DHX9: variants seen among roughly 807,000 people sequenced by gnomAD.
The protein encoded by DHX9 is DExH-box helicase 9.
Under a neutral mutation model 148.7 loss-of-function variants are expected in DHX9, and 27 were observed. The ratio of observed to expected loss-of-function variants is 0.18; its 90% CI spans 0.13 to 0.25. DHX9 has a LOEUF of 0.25. DHX9 is among the 10% of genes least tolerant of loss of function. The pLI, the probability that DHX9 is intolerant of heterozygous loss-of-function variation, is 1.00. For missense variants in DHX9, 796 were observed against 1,559.6 expected, an observed-to-expected ratio of 0.51 and a Z score of 8.25; for synonymous variants, 529 against 516.6, an observed-to-expected ratio of 1.02 and a Z score of -0.33.
intron 10 of DHX9, 60 bp from the exon 11 acceptor site, chr1:182,858,980 A>G: frequency 6.2e-7 from 1 of 1,610,750 alleles, no homozygotes; most frequent in Non-Finnish European, 8.5e-7. Flanking sequence ...TAAAAAATGG[A>G]TTTATTTTGA....
chr1:182,852,367 C>G (rs765831420), intron 4 of DHX9, 23 bp downstream of exon 4: 2 of 1,506,324 alleles, frequency 1.3e-6, no homozygotes, highest in Non-Finnish European at 1.8e-6. Flanking sequence ...AATCCATGCA[C>G]GTGGTGGAGA....
chr1:182,842,403 T>C (rs1667949348), intron 1 of DHX9, 142 bp from the exon 2 acceptor site: 1 of 526,250 alleles, frequency 1.9e-6, no homozygotes, highest in Admixed American at 3.5e-5. Context: ...GTTCCAATTA[T>C]GTCGTTAAAA....
intron 3 of DHX9, among the ~76,000 whole-genome samples, chr1:182,849,993 T>C (rs199939783): frequency 2.1e-3 from 227 of 106,022 alleles, no homozygotes; most frequent in African/African-American, 5.2e-3. Flanking sequence ...CCCCCCCCCC[T>C]TTTTTTTTTA....
chr1:182,878,287 T>C (rs1648915236), intron 20 of DHX9, 114 bp downstream of exon 20: 3 of 1,207,426 alleles, frequency 2.5e-6, no homozygotes, highest in Non-Finnish European at 3.5e-6. Flanking sequence ...TTGCCAGCCA[T>C]GTTGGAATCA....
intron 14 of DHX9, among the ~76,000 whole-genome samples, chr1:182,867,750 CTT>C: frequency 6.6e-6 from 1 of 152,272 alleles, no homozygotes; most frequent in Non-Finnish European, 1.5e-5. Context: ...CAGCTCTGAT[CTT>C]TTCAGATGTT....
At chr1:182,846,114 C>G (rs1454251899) in intron 3 of DHX9, among the ~76,000 whole-genome samples, 1 of 152,198 alleles carries the variant, frequency 6.6e-6, no homozygotes, top group Non-Finnish European at 1.5e-5. Context: ...CCCCCCACAC[C>G]TGAAGCTACC....
rs764495583 is a variant in DHX9 at position 182,884,825 on chromosome 1, T to C, written c.3461+12T>C. On this transcript the variant is annotated intron_variant, in intron 27 of 27. Transcript: ENST00000367549. ...ATTGGCAGTACACGGTGAGTACCAA[T>C]ATACTTCTTACTGAACCAAGTAGAG... 6.8e-6 allele frequency: 11 copies of C among 1,613,258 alleles called. No individual in the cohort carries two copies. In the South Asian group the frequency reaches 8.8e-5, roughly 13 times the overall value.
intron 14 of DHX9, among the ~76,000 whole-genome samples, chr1:182,867,564 G>C (rs111397999): frequency 6.6e-6 from 1 of 152,126 alleles, no homozygotes; most frequent in Non-Finnish European, 1.5e-5. Flanking sequence ...CACCATGCCC[G>C]ACTGATTTTT....
In DHX9 at chr1:182,842,535, G is replaced by C. The variant is rs1667951526; in HGVS notation, c.-22-10G>C. 6.5e-7 allele frequency: 1 copy of C among 1,540,570 alleles called. No homozygotes were observed. Among genetic ancestry groups the C allele is most frequent in the Non-Finnish European group, 8.9e-7 (1 of 1,126,918 alleles). ...TAAATGCTGTTTTTAACTGACTTTT[G>C]TTTTCTTAGATCTGAAGAAGACACT... On this transcript the variant is annotated splice_polypyrimidine_tract_variant and intron_variant, in intron 1 of 27. Coordinates refer to ENST00000367549, the MANE Select transcript of DHX9 (RefSeq NM_001357.5).
chr1:182,887,496 C>G lies in DHX9; in HGVS notation c.*62C>G. 1 of 1,423,554 alleles carries G rather than the reference C, an allele frequency of 7.0e-7. No homozygotes were observed. The highest frequency in any genetic ancestry group is 9.6e-7 in the Non-Finnish European group (1 of 1,044,770). The allele number at this position is 1,423,554 out of a possible 1,614,324, so 88.2% of individuals were successfully genotyped here. ...GGAAAAAAAGGCATGCTATGTGTTA[C>G]GTGTTTTTTCCAGTATGTTTATTTG... On this transcript the variant is annotated 3_prime_UTR_variant, in exon 28 of 28. Coordinates refer to ENST00000367549, the MANE Select transcript of DHX9 (RefSeq NM_001357.5).
At chr1:182,845,683 G>A (rs892438214) in intron 3 of DHX9, among the ~76,000 whole-genome samples, 2 of 152,166 alleles carry the variant, frequency 1.3e-5, no homozygotes, top group East Asian at 3.9e-4. Context: ...TTGCAAGTCT[G>A]GGCCTCTAGA....
chr1:182,880,198 T>C (rs1046388458), intron 21 of DHX9, among the ~76,000 whole-genome samples: 4 of 152,244 alleles, frequency 2.6e-5, no homozygotes, highest in Non-Finnish European at 4.4e-5. Context: ...AGACTTCTTA[T>C]GGCATGTAGA....
intron 3 of DHX9, among the ~76,000 whole-genome samples, chr1:182,848,332 A>G (rs1427104950): frequency 6.6e-6 from 1 of 152,256 alleles, no homozygotes; most frequent in African/African-American, 2.4e-5. Context: ...GGCCACTGAC[A>G]TCTAGAAGGT....
At chr1:182,869,052 C>G (rs190264811) in intron 14 of DHX9, among the ~76,000 whole-genome samples, 108 of 152,166 alleles carry the variant, frequency 7.1e-4, no homozygotes, top group Non-Finnish European at 6.2e-4. Context: ...TAAATTATTC[C>G]AAACACTGGA....
At position 182,867,005 on chromosome 1, in the gene DHX9, C is replaced by G; in HGVS notation, c.1519C>G (p.His507Asp). 6.2e-7 allele frequency: 1 copy of G among 1,606,610 alleles called. No individual in the cohort carries two copies. ...AGAAGCAGGCATTCGAGGAATCAGT[C>G]ATGTAATTGTAGATGAAATACATGA... ...KLEAGIRGIS[H>D]VIVDEIHERD... The change falls in exon 14 of 28, where the codon CAT (histidine) becomes GAT (aspartate). Residue 507 changes from histidine (H) to aspartate (D), a missense_variant. By Grantham distance (81) the His-to-Asp change is moderately conservative (BLOSUM62 -1). This residue lies in a region of DHX9 where 5 missense variants were observed against 48.3 expected (regional missense o/e 0.10). Coordinates refer to ENST00000367549, the MANE Select transcript of DHX9 (RefSeq NM_001357.5).
chr1:182,861,883 C>T (rs1668369804), intron 12 of DHX9, among the ~76,000 whole-genome samples: 1 of 152,136 alleles, frequency 6.6e-6, no homozygotes, highest in African/African-American at 2.4e-5. Context: ...TATATTGTGT[C>T]CTAGTATGTA....
At position 182,881,659 on chromosome 1, in the gene DHX9, TC is replaced by T; in HGVS notation, c.2914+14del. On this transcript the variant is annotated intron_variant, in intron 24 of 27. Coordinates refer to ENST00000367549, the MANE Select transcript of DHX9 (RefSeq NM_001357.5). ...TGGGTTTCCAGAAGGTAAGACTTCT[TC>T]CATTCTTAAGATATCTTTAAAGTGA... is the stretch of plus-strand genomic sequence containing the variant. 6 of 1,584,042 alleles carry T rather than the reference TC, an allele frequency of 3.8e-6. No individual in the cohort carries two copies. The highest frequency in any genetic ancestry group is 4.3e-6 in the Non-Finnish European group (5 of 1,170,756).
intron 26 of DHX9, 130 bp downstream of exon 26, chr1:182,883,765 A>C (rs1649195112): frequency 3.8e-6 from 2 of 529,038 alleles, no homozygotes; most frequent in Admixed American, 6.5e-5. Flanking sequence ...ACTTAATCTT[A>C]AATTGATACC....
chr1:182,858,667 T>G (rs1668298297), intron 9 of DHX9, 27 bp downstream of exon 9: 1 of 1,609,738 alleles, frequency 6.2e-7, no homozygotes, highest in South Asian at 1.1e-5. Flanking sequence ...TTAGTTCACA[T>G]TTACGTAGAA....
Sources: allele counts gnomAD v4.1 joint callset (sites outside exome capture counted in the v4.1 genomes callset), GRCh38; gene constraint gnomAD v4.1.1; regional missense constraint gnomAD v4.1.1; transcripts MANE v1.5; gene names NCBI Gene and HGNC (gene_info 2026-07-23, HGNC 2026-07-21).